The following FUT8 variants were observed in gnomAD, a reference collection of about 807,000 sequenced individuals.
FUT8 encodes the protein alpha-(1,6)-fucosyltransferase.
In FUT8, 29 loss-of-function variants were observed where a neutral mutation model predicts 71.3. That is an observed-to-expected ratio of 0.41 (90% CI 0.30 to 0.55). The LOEUF (loss-of-function observed/expected upper bound fraction) is 0.55, where lower values mean the gene tolerates loss of function less well. Ranked by LOEUF, FUT8 falls within the 20% of genes least tolerant of loss-of-function variation. The pLI is 0.34. For synonymous variants in FUT8, 254 were observed against 239.3 expected, an observed-to-expected ratio of 1.06 and a Z score of -0.57; for missense variants, 544 against 702.1, an observed-to-expected ratio of 0.77 and a Z score of 2.55.
intron 2 of FUT8, among the ~76,000 whole-genome samples, chr14:65,486,081 T>TC (rs1181743796): frequency 6.6e-6 from 1 of 152,212 alleles, no homozygotes. Context: ...AAACTTTTTT[T>TC]CCCATTATTT....
At chr14:65,709,317 A>G (rs1894705437) in intron 7 of FUT8, among the ~76,000 whole-genome samples, 2 of 152,126 alleles carry the variant, frequency 1.3e-5, no homozygotes, top group South Asian at 4.1e-4. Flanking sequence ...GTTTGAATAA[A>G]CCTTTGTTTC....
At chr14:65,520,795 A>G (rs890073178) in intron 2 of FUT8, among the ~76,000 whole-genome samples, 2 of 152,012 alleles carry the variant, frequency 1.3e-5, no homozygotes, top group Non-Finnish European at 2.9e-5. Flanking sequence ...AACAAGTTTT[A>G]TTTTTCAGAC....
chr14:65,463,515 C>T lies in FUT8; in HGVS notation c.-228+7797C>T, dbSNP rs117446347. Among the ~76,000 whole-genome samples the T allele has an allele frequency of 5.7e-3, 869 of 152,320 alleles. 31 individuals carry two copies. In the East Asian group the frequency reaches 0.092, roughly 16 times the overall value. On this transcript the variant is annotated intron_variant, in intron 2 of 10. Coordinates refer to ENST00000673929, the MANE Select transcript of FUT8 (RefSeq NM_001371533.1). Reference sequence around the variant, plus strand: ...ACTCCTGTGCTCAAGCAGTTCCCCACCTCAGCCTCCCAAAGTGCTGGGATT... The same window carrying T: ...ACTCCTGTGCTCAAGCAGTTCCCCATCTCAGCCTCCCAAAGTGCTGGGATT...
chr14:65,712,605 C>T (rs371391886), intron 7 of FUT8, among the ~76,000 whole-genome samples: 112 of 152,110 alleles, frequency 7.4e-4, no homozygotes, highest in South Asian at 7.1e-3. Flanking sequence ...CCACCACACC[C>T]GGCTAATTTT....
chr14:65,485,616 A>G (rs1202041633), intron 2 of FUT8, among the ~76,000 whole-genome samples: 1 of 152,110 alleles, frequency 6.6e-6, no homozygotes, highest in Non-Finnish European at 1.5e-5. Flanking sequence ...TTTTTTCCCC[A>G]GCCTCCAGTA....
chr14:65,689,257 T>A (rs1893457410), intron 7 of FUT8, among the ~76,000 whole-genome samples: 1 of 152,230 alleles, frequency 6.6e-6, no homozygotes. Context: ...TGCCATACAG[T>A]GTTGAGAATC....
chr14:65,437,518 T>C (rs1255885156), intron 1 of FUT8, among the ~76,000 whole-genome samples: 1 of 152,164 alleles, frequency 6.6e-6, no homozygotes, highest in Non-Finnish European at 1.5e-5. Flanking sequence ...ATGTCATGCT[T>C]GTGTTAAAGA....
intron 3 of FUT8, among the ~76,000 whole-genome samples, chr14:65,589,441 C>CTTTTTTTTT (rs35606286): frequency 2.7e-5 from 3 of 109,942 alleles, no homozygotes; most frequent in Non-Finnish European, 5.2e-5. Context: ...TGCCTTAAAT[C>CTTTTTTTTT]TTTTTTTTTT....
intron 1 of FUT8, among the ~76,000 whole-genome samples, chr14:65,434,264 A>C (rs1229507533): frequency 6.6e-6 from 1 of 152,198 alleles, no homozygotes; most frequent in Non-Finnish European, 1.5e-5. Context: ...TCTTCAGAGT[A>C]TTCTAGCTTC....
rs2066453981 is a variant in FUT8 at position 65,489,487 on chromosome 14, A to C, written c.-228+33769A>C. Among the ~76,000 whole-genome samples, 1 of 152,168 alleles carries C rather than the reference A, an allele frequency of 6.6e-6. No individual in the cohort carries two copies. Among genetic ancestry groups the C allele is most frequent in the African/African-American group, 2.4e-5 (1 of 41,454 alleles). On this transcript the variant is annotated intron_variant, in intron 2 of 10. Coordinates refer to ENST00000673929, the MANE Select transcript of FUT8 (RefSeq NM_001371533.1). This position sits in a 1 kb window ranked among gnomAD's most constrained non-coding sequence, Gnocchi z 4.0. ...GATAAAACATAACATGCAATTAAAA[A>C]AATTTCAGCCATTGAGAATGTTTTT...
intron 2 of FUT8, among the ~76,000 whole-genome samples, chr14:65,497,254 T>G (rs1486388550): frequency 6.6e-6 from 1 of 152,210 alleles, no homozygotes; most frequent in Admixed American, 6.5e-5. Context: ...ATGGGCATTT[T>G]GATCAGATCT....
Position 65,561,588 on chromosome 14 carries a change from C to G in FUT8, c.25C>G (p.Arg9Gly). ...AATGCGGCCATGGACTGGTTCCTGG[C>G]GTTGGATTATGCTCATTCTTTTTGC... MRPWTGSW[R>G]WIMLILFAWG... Residue 9 changes from arginine (R) to glycine (G), a missense_variant, in exon 3 of 11, where the codon CGT (arginine) becomes GGT (glycine). By Grantham distance (125) the Arg-to-Gly change is moderately radical. Transcript: ENST00000673929. The G allele has an allele frequency of 6.2e-7, 1 of 1,613,344 alleles. No individual in the cohort carries two copies.
At chr14:65,730,658 C>T (rs771108557) in intron 9 of FUT8, among the ~76,000 whole-genome samples, 6 of 151,878 alleles carry the variant, frequency 4.0e-5, no homozygotes, top group Admixed American at 6.6e-5. Context: ...GGCGACAGAG[C>T]GAGACTCAAT....
rs372457220 is a variant in FUT8, at chr14:65,721,767, A to G, written c.836-8A>G. 1.9e-6 allele frequency: 3 copies of G among 1,613,756 alleles called. No homozygotes were observed. Among genetic ancestry groups the G allele is most frequent in the African/African-American group, 2.7e-5 (2 of 74,938 alleles). On this transcript the variant is annotated splice_region_variant and splice_polypyrimidine_tract_variant and intron_variant, in intron 7 of 10. Transcript: ENST00000673929. ...TGTGGTAATGATTATATGTTTCAAT[A>G]TTGTCAGGTGAAGTGAAGGACAAAA...
intron 6 of FUT8, among the ~76,000 whole-genome samples, chr14:65,650,305 A>AG (rs1891319998): frequency 8.2e-6 from 1 of 122,314 alleles, no homozygotes; most frequent in Non-Finnish European, 1.8e-5. Context: ...TCTCAAAAAA[A>AG]AAAAAAAAAA....
chr14:65,595,058 C>T (rs1178059089), intron 3 of FUT8, among the ~76,000 whole-genome samples: 2 of 152,148 alleles, frequency 1.3e-5, no homozygotes, highest in Non-Finnish European at 2.9e-5. Flanking sequence ...AGTGACTTGC[C>T]CCTGTCTGCC....
At chr14:65,702,463 T>G (rs1277101875) in intron 7 of FUT8, among the ~76,000 whole-genome samples, 1 of 152,208 alleles carries the variant, frequency 6.6e-6, no homozygotes, top group African/African-American at 2.4e-5. Context: ...TCAATAACTG[T>G]TAGCTCTTAA....
chr14:65,561,214 G>A (rs1321180499), intron 2 of FUT8, 123 bp from the exon 3 acceptor site: 1 of 213,400 alleles, frequency 4.7e-6, no homozygotes, highest in Admixed American at 5.1e-5. Flanking sequence ...CTTGTTATTA[G>A]GCAGTTAGGT....
chr14:65,620,470 G>A (rs1019079561), intron 5 of FUT8, among the ~76,000 whole-genome samples: 2 of 152,174 alleles, frequency 1.3e-5, no homozygotes, highest in East Asian at 1.9e-4. Context: ...AGAAATGACT[G>A]TGACTCAAGG....
Sources: gnomAD v4.1 joint callset for allele counts (sites outside exome capture counted in the v4.1 genomes callset) on GRCh38, gnomAD v4.1.1 for gene constraint, Gnocchi (gnomAD v3.1) non-coding constraint, MANE v1.5 for transcripts, NCBI Gene and HGNC (gene_info 2026-07-23, HGNC 2026-07-21) for gene names.